CACNA1E: variants seen among roughly 807,000 people sequenced by gnomAD.
CACNA1E encodes the protein calcium voltage-gated channel subunit alpha1 E, also known as voltage-dependent R-type calcium channel subunit alpha-1E.
CACNA1E carries 40 observed loss-of-function variants against 259.2 expected under a neutral mutation model. The observed-to-expected ratio is 0.15, with a 90% confidence interval of 0.12 to 0.20. The LOEUF (loss-of-function observed/expected upper bound fraction) is 0.20. CACNA1E is among the 10% of genes least tolerant of loss of function. The pLI, the probability that CACNA1E is intolerant of heterozygous loss-of-function variation, is 1.00. For synonymous variants in CACNA1E, 1,104 were observed against 1,138.5 expected (o/e 0.97, Z 0.61); for missense variants, 1,874 against 3,040.1 (o/e 0.62, Z 9.02).
At chr1:181,631,357 C>T (rs1188673310) in intron 6 of CACNA1E, among the ~76,000 whole-genome samples, 1 of 145,512 alleles carries the variant, frequency 6.9e-6, no homozygotes, top group Non-Finnish European at 1.5e-5. Context: ...CAGGCTCTAT[C>T]CCCCTCTCTA....
rs529702774 is a variant in CACNA1E at position 181,345,818 on chromosome 1, G to A, written c.-15+27695G>A. ...TAGCTCTACCTTCTGGCCAAGGACC[G>A]TCTGACAGAGGCAGGAGTCGGGGCT... On this transcript the variant is annotated intron_variant, in intron 1 of 11. Coordinates refer to the CACNA1E transcript ENST00000524607. 1.4e-4 allele frequency among the ~76,000 whole-genome samples: 22 copies of A among 152,336 alleles called. No individual in the cohort carries two copies. The South Asian group carries it at 3.1e-3, about 22-fold the overall frequency.
Position 181,637,035 on chromosome 1 carries a change from G to A in CACNA1E, c.952-14303G>A, listed in dbSNP as rs114098116. Among the ~76,000 whole-genome samples, 1,117 of 152,352 alleles carry A rather than the reference G, an allele frequency of 7.3e-3. 7 individuals are homozygous for A. The highest frequency in any genetic ancestry group is 0.017 in the Middle Eastern group (5 of 294). On this transcript the variant is annotated intron_variant, in intron 6 of 47. Coordinates refer to ENST00000367573, the MANE Select transcript of CACNA1E (RefSeq NM_001205293.3). The stretch of plus-strand genomic sequence containing the variant: ...CCTCTTGTTATTTGGAAATCAGGGA[G>A]AGAGTTTCCCAATCTTTGTCTGGGG...
At chr1:181,747,418 G>A (rs1056375338) in intron 25 of CACNA1E, among the ~76,000 whole-genome samples, 11 of 150,306 alleles carry the variant, frequency 7.3e-5, no homozygotes, top group South Asian at 4.3e-4. Flanking sequence ...GAAAATTCTC[G>A]TCTTTTACTG....
At chr1:181,342,285 G>A (rs959231390) in intron 1 of CACNA1E, among the ~76,000 whole-genome samples, 4 of 152,108 alleles carry the variant, frequency 2.6e-5, no homozygotes, top group African/African-American at 9.7e-5. Context: ...GCCTTATAAA[G>A]CATTTGGATT....
At chr1:181,748,005 GC>G (rs1657254848) in intron 25 of CACNA1E, among the ~76,000 whole-genome samples, 1 of 152,130 alleles carries the variant, frequency 6.6e-6, no homozygotes, top group South Asian at 2.1e-4. Flanking sequence ...GTTAAATCTT[GC>G]CCCTGTTAAC....
At chr1:181,364,846 G>A (rs1654150814) in intron 1 of CACNA1E, among the ~76,000 whole-genome samples, 1 of 152,180 alleles carries the variant, frequency 6.6e-6, no homozygotes, top group Non-Finnish European at 1.5e-5. Context: ...CCTCTGCAGG[G>A]AAAGCCAGGT....
intron 1 of CACNA1E, among the ~76,000 whole-genome samples, chr1:181,390,049 AG>A (rs1330156854): frequency 6.6e-6 from 1 of 152,232 alleles, no homozygotes; most frequent in African/African-American, 2.4e-5. Flanking sequence ...TTTCCCAGGA[AG>A]GACTTTCCTT....
At chr1:181,601,042 G>A (rs1326921142) in intron 6 of CACNA1E, among the ~76,000 whole-genome samples, 1 of 152,086 alleles carries the variant, frequency 6.6e-6, no homozygotes, top group Non-Finnish European at 1.5e-5. Flanking sequence ...CCCAAATTTA[G>A]TGTTGTTGCT....
At chr1:181,576,118 C>G (rs1300706654) in intron 3 of CACNA1E, among the ~76,000 whole-genome samples, 1 of 152,178 alleles carries the variant, frequency 6.6e-6, no homozygotes, top group Non-Finnish European at 1.5e-5. Context: ...AAGTGTGACT[C>G]AGGAGAGATG....
At chr1:181,654,588 T>C (rs75412560) in intron 7 of CACNA1E, among the ~76,000 whole-genome samples, 4,216 of 152,258 alleles carry the variant, frequency 0.028, 195 homozygotes, top group African/African-American at 0.096. Flanking sequence ...TGGGAGATTA[T>C]ATAGGTAAAA....
intron 1 of CACNA1E, among the ~76,000 whole-genome samples, chr1:181,360,352 C>T (rs925624506): frequency 6.6e-6 from 1 of 152,120 alleles, no homozygotes; most frequent in East Asian, 1.9e-4. Flanking sequence ...CAACACAATG[C>T]CCATTAGCTG....
At chr1:181,746,254 C>T (rs1657072377) in intron 25 of CACNA1E, among the ~76,000 whole-genome samples, 1 of 152,212 alleles carries the variant, frequency 6.6e-6, no homozygotes, top group Admixed American at 6.5e-5. Flanking sequence ...GAGAGACAGG[C>T]ACTGCCAGTG....
Position 181,779,819 on chromosome 1 carries a change from T to TACACACACACACACACACACAC in CACNA1E, c.5268-1598_5268-1577dup, listed in dbSNP as rs56301632. ...TCATGTATGTGTGTATATGCACATG[T>TACACACACACACACACACACAC]ACACACACACACACACACACACACA... On this transcript the variant is annotated intron_variant, in intron 38 of 47. Transcript: ENST00000367573. Among the ~76,000 whole-genome samples the TACACACACACACACACACACAC allele has an allele frequency of 3.8e-3, 568 of 148,374 alleles. 2 individuals are homozygous for TACACACACACACACACACACAC. Among genetic ancestry groups the TACACACACACACACACACACAC allele is most frequent in the Middle Eastern group, 0.01 (3 of 288 alleles).
rs189058631 is a variant in CACNA1E at position 181,373,752 on chromosome 1, C to T, written c.-14-39381C>T. On this transcript the variant is annotated intron_variant, in intron 1 of 11. Coordinates refer to the CACNA1E transcript ENST00000524607. The stretch of plus-strand genomic sequence containing the variant: ...CGGGGTTTCACCGTGGTCTCGATCT[C>T]CTGACCTTGTGATCCGCCCGCCTTG... 3.6e-3 allele frequency among the ~76,000 whole-genome samples: 543 copies of T among 152,112 alleles called. 3 individuals carry two copies. The highest frequency in any genetic ancestry group is 4.9e-3 in the Non-Finnish European group (334 of 67,970).
At chr1:181,386,416 G>T (rs977268134) in intron 1 of CACNA1E, among the ~76,000 whole-genome samples, 10 of 152,130 alleles carry the variant, frequency 6.6e-5, no homozygotes, top group Non-Finnish European at 7.4e-5. Flanking sequence ...GGTCAGAATG[G>T]CAAAAATGAG....
At chr1:181,377,970 A>G (rs972652171) in intron 1 of CACNA1E, among the ~76,000 whole-genome samples, 3 of 152,230 alleles carry the variant, frequency 2.0e-5, no homozygotes, top group Non-Finnish European at 4.4e-5. Flanking sequence ...CATAAATAAA[A>G]TGCACATAGT....
At chr1:181,517,846 G>T (rs1012510145) in intron 3 of CACNA1E, among the ~76,000 whole-genome samples, 2 of 152,242 alleles carry the variant, frequency 1.3e-5, no homozygotes, top group Admixed American at 6.5e-5. Context: ...GCTAAAGATC[G>T]AGGAAAGCAG....
intron 3 of CACNA1E, among the ~76,000 whole-genome samples, chr1:181,541,603 T>C (rs1933049): frequency 0.43 from 65,402 of 152,054 alleles, 16,370 homozygotes; most frequent in Middle Eastern, 0.56. Flanking sequence ...AAAGGCTCTG[T>C]TTCTGGGCAA....
At chr1:181,725,076 A>G (rs534294668) in intron 17 of CACNA1E, among the ~76,000 whole-genome samples, 2 of 152,330 alleles carry the variant, frequency 1.3e-5, no homozygotes, top group South Asian at 2.1e-4. Context: ...TAATTTCCCC[A>G]GTGTGGGGAG....
Sources: allele counts gnomAD v4.1 joint callset (sites outside exome capture counted in the v4.1 genomes callset), GRCh38; gene constraint gnomAD v4.1.1; transcripts MANE v1.5; gene names NCBI Gene and HGNC (gene_info 2026-07-23, HGNC 2026-07-21).